GORAB: variants seen among roughly 807,000 people sequenced by gnomAD.
The protein encoded by GORAB is RAB6-interacting golgin.
A neutral mutation model predicts 29.9 loss-of-function variants in GORAB; 17 were observed. The ratio of observed to expected loss-of-function variants is 0.57; its 90% CI spans 0.39 to 0.85. The LOEUF (loss-of-function observed/expected upper bound fraction) is 0.85. Ranked by LOEUF, GORAB falls within the 40% of genes least tolerant of loss-of-function variation. GORAB has a pLI of 0.00. For synonymous variants in GORAB, 183 were observed against 157.2 expected, an observed-to-expected ratio of 1.16 and a Z score of -1.23; for missense variants, 442 against 437.8, an observed-to-expected ratio of 1.01 and a Z score of -0.09.
chr1:170,551,157 A>G (rs1363780722), intron 4 of GORAB, among the ~76,000 whole-genome samples: 1 of 152,206 alleles, frequency 6.6e-6, no homozygotes, highest in Non-Finnish European at 1.5e-5. Context: ...CCAATAAGGG[A>G]CATTTGGCAA....
At chr1:170,535,888 T>G (rs1649030305) in intron 1 of GORAB, among the ~76,000 whole-genome samples, 2 of 152,160 alleles carry the variant, frequency 1.3e-5, no homozygotes, top group Admixed American at 1.3e-4. Flanking sequence ...GTCAACCTTT[T>G]TTTAATAGCC....
chr1:170,539,086 A>C, intron 1 of GORAB, 124 bp from the exon 2 acceptor site: 3 of 1,163,468 alleles, frequency 2.6e-6, no homozygotes, highest in Non-Finnish European at 2.5e-6. Context: ...CTTTCAAGAT[A>C]GAGAATGGGG....
At chr1:170,549,071 G>A (rs1488487748) in intron 4 of GORAB, among the ~76,000 whole-genome samples, 1 of 152,164 alleles carries the variant, frequency 6.6e-6, no homozygotes, top group Non-Finnish European at 1.5e-5. Flanking sequence ...TAATGGTTGA[G>A]TTTTTAAACA....
Position 170,552,110 on chromosome 1 carries a change from G to T in GORAB, c.758G>T (p.Cys253Phe). ...AAAGAGCAACTCACTGAACACCTTT[G>T]TACGATCATACAGCAAAATGAGCTC... ...EIKEQLTEHL[C>F]TIIQQNELRK... The change falls in exon 5 of 5, where the codon TGT becomes TTT. Residue 253 changes from cysteine to phenylalanine, a missense_variant. Transcript: ENST00000367763. The T allele has an allele frequency of 1.2e-6, 2 of 1,614,086 alleles. No individual in the cohort carries two copies. The highest frequency in any genetic ancestry group is 1.7e-6 in the Non-Finnish European group (2 of 1,179,978).
intron 1 of GORAB, chr1:170,532,501 A>T (rs1269927436): frequency 5.3e-6 from 3 of 561,624 alleles, no homozygotes; most frequent in Non-Finnish European, 9.5e-6. Context: ...CTTTTAGAAA[A>T]AACGGTCCAG....
chr1:170,532,627 G>T, intron 1 of GORAB: 1 of 330,226 alleles, frequency 3.0e-6, no homozygotes, highest in Non-Finnish European at 5.9e-6. Context: ...ACGGTTGGAA[G>T]GTTAGGGTCA....
At chr1:170,538,523 T>G (rs933988748) in intron 1 of GORAB, among the ~76,000 whole-genome samples, 1 of 152,166 alleles carries the variant, frequency 6.6e-6, no homozygotes, top group African/African-American at 2.4e-5. Flanking sequence ...TAAAGATATT[T>G]CCCCCCAGTT....
rs1650209562 is a variant in GORAB, at chr1:170,552,791, A to G, written c.*329A>G. Reference sequence around the variant, plus strand: ...AGATAAATATAGAAAAGTAAAATGGAAAATGATACTCAATACCTAGTTAAA... The same window carrying G: ...AGATAAATATAGAAAAGTAAAATGGGAAATGATACTCAATACCTAGTTAAA... On this transcript the variant is annotated 3_prime_UTR_variant, in exon 5 of 5. Transcript: ENST00000367763. The G allele has an allele frequency of 4.3e-6, 2 of 461,540 alleles. No homozygotes were observed. Among genetic ancestry groups the G allele is most frequent in the African/African-American group, 2.0e-5 (1 of 50,352 alleles). The allele number at this position is 461,540 out of a possible 1,614,324, so 28.6% of individuals were successfully genotyped here. A position where few individuals can be genotyped will look rare whatever the true frequency, so the allele number is the denominator to read the frequency against.
intron 1 of GORAB, among the ~76,000 whole-genome samples, chr1:170,538,419 A>T (rs1442422486): frequency 6.6e-6 from 1 of 152,204 alleles, no homozygotes; most frequent in Admixed American, 6.5e-5. Context: ...TATAGTATGA[A>T]TGTGGGTCAG....
intron 1 of GORAB, chr1:170,532,707 A>G (rs1051358642): frequency 5.3e-6 from 1 of 188,378 alleles, no homozygotes; most frequent in Non-Finnish European, 1.1e-5. Flanking sequence ...AGATGGTTGG[A>G]AAAAAGGAGC....
intron 4 of GORAB, chr1:170,545,742 G>A (rs891203866): frequency 1.2e-4 from 116 of 984,928 alleles, no homozygotes; most frequent in Non-Finnish European, 1.3e-4. Flanking sequence ...TTATTAAAGC[G>A]GAAATGCTTG....
At chr1:170,540,239 C>G (rs969089452) in intron 2 of GORAB, among the ~76,000 whole-genome samples, 2 of 152,032 alleles carry the variant, frequency 1.3e-5, no homozygotes, top group African/African-American at 4.8e-5. Context: ...TCTTTACTGT[C>G]TTTGTATTAG....
intron 2 of GORAB, among the ~76,000 whole-genome samples, chr1:170,542,076 CTT>C (rs1345362447): frequency 6.6e-6 from 1 of 152,134 alleles, no homozygotes; most frequent in African/African-American, 2.4e-5. Context: ...GTGGTGGAGA[CTT>C]TATAGAAAAC....
chr1:170,545,951 G>T (rs1339364159), intron 4 of GORAB, among the ~76,000 whole-genome samples: 1 of 152,182 alleles, frequency 6.6e-6, no homozygotes, highest in Non-Finnish European at 1.5e-5. Context: ...GGAGATAACA[G>T]AGATTTTATT....
intron 1 of GORAB, among the ~76,000 whole-genome samples, chr1:170,535,339 A>G (rs181548550): frequency 6.6e-6 from 1 of 152,294 alleles, no homozygotes; most frequent in African/African-American, 2.4e-5. Flanking sequence ...TGTGTTTATG[A>G]GTGTAACACA....
chr1:170,534,692 T>C (rs1441355228), intron 1 of GORAB, among the ~76,000 whole-genome samples: 6 of 152,088 alleles, frequency 3.9e-5, no homozygotes, highest in Non-Finnish European at 7.4e-5. Flanking sequence ...ACTGTACAGG[T>C]TTGGAGCTTA....
chr1:170,540,243 G>A (rs1649329830), intron 2 of GORAB, among the ~76,000 whole-genome samples: 1 of 151,980 alleles, frequency 6.6e-6, no homozygotes, highest in African/African-American at 2.4e-5. Flanking sequence ...TACTGTCTTT[G>A]TATTAGAAAC....
At chr1:170,548,608 G>A (rs755867932) in intron 4 of GORAB, among the ~76,000 whole-genome samples, 2 of 152,152 alleles carry the variant, frequency 1.3e-5, no homozygotes, top group African/African-American at 2.4e-5. Context: ...GGTGTTTTCA[G>A]TCTTCTTTTA....
chr1:170,550,677 G>A (rs1197568043), intron 4 of GORAB, among the ~76,000 whole-genome samples: 1 of 152,164 alleles, frequency 6.6e-6, no homozygotes, highest in African/African-American at 2.4e-5. Context: ...TCCTAAATTA[G>A]GAGATATACC....
Sources: allele counts gnomAD v4.1 joint callset (sites outside exome capture counted in the v4.1 genomes callset), GRCh38; gene constraint gnomAD v4.1.1; transcripts MANE v1.5; gene names NCBI Gene and HGNC (gene_info 2026-07-23, HGNC 2026-07-21).